Variants in GTF3C1 observed in about 807,000 individuals in gnomAD.
GTF3C1 encodes the protein general transcription factor 3C polypeptide 1.
A neutral mutation model predicts 226.7 loss-of-function variants in GTF3C1; 57 were observed. The observed-to-expected ratio is 0.25, with a 90% confidence interval of 0.20 to 0.31. GTF3C1 has a LOEUF of 0.31. Ranked by LOEUF, GTF3C1 falls within the 10% of genes least tolerant of loss-of-function variation. The pLI, the probability that GTF3C1 is intolerant of heterozygous loss-of-function variation, is 1.00. For synonymous variants in GTF3C1, 1,090 were observed against 1,084.8 expected (o/e 1.00, Z -0.09); for missense variants, 2,217 against 2,776.1 (o/e 0.80, Z 4.53).
At position 27,465,345 on chromosome 16, in the gene GTF3C1, A is replaced by G; in HGVS notation, c.5270T>C (p.Ile1757Thr). 1 of 1,614,066 alleles carries G rather than the reference A, an allele frequency of 6.2e-7. No individual in the cohort carries two copies. The highest frequency in any genetic ancestry group is 8.5e-7 in the Non-Finnish European group (1 of 1,179,988). The change falls in exon 33 of 37, where the codon ATT (isoleucine) becomes ACT (threonine). Residue 1757 changes from isoleucine (I) to threonine (T), a missense_variant. Physicochemically the swap from Ile to Thr is moderately conservative, Grantham distance 89 (BLOSUM62 -1). Around this residue, in one of 12 missense-constraint regions of GTF3C1, gnomAD observed 455 missense variants for 441.9 expected, o/e 1.03. Coordinates refer to ENST00000356183, the MANE Select transcript of GTF3C1 (RefSeq NM_001520.4). ...EAIIATGCFG[I>T]DKEELRRRFS... is the part of the protein sequence containing the mutation. ...CCGTCTGCGCAGCTCCTCCTTGTCA[A>G]TCCCAAAACAACCCGTGGCTATAAT...
Position 27,488,958 on chromosome 16 carries a change from T to A in GTF3C1, c.3429+85A>T. On this transcript the variant is annotated intron_variant, in intron 21 of 36. Transcript: ENST00000356183. ...CCTTCAATACAAACGGAAGCCAGTA[T>A]TTGTGTCTCTGGTCAGGCAGGGAGG... 3.1e-6 allele frequency: 4 copies of A among 1,270,250 alleles called. No homozygotes were observed. The South Asian group carries it at 4.9e-5, about 15-fold the overall frequency. 78.7% of individuals were successfully genotyped at this position (1,270,250 alleles called of 1,614,324 possible).
chr16:27,529,209 C>T (rs2088877902), intron 5 of GTF3C1, among the ~76,000 whole-genome samples: 2 of 152,034 alleles, frequency 1.3e-5, no homozygotes, highest in Admixed American at 6.6e-5. Context: ...TTTGGGAGGC[C>T]GAGGCGGGCA....
At chr16:27,499,845 C>A (rs568773988) in intron 12 of GTF3C1, among the ~76,000 whole-genome samples, 1 of 152,250 alleles carries the variant, frequency 6.6e-6, no homozygotes, top group South Asian at 2.1e-4. Flanking sequence ...CCCAGCAGAT[C>A]AAAGGCTGCC....
intron 4 of GTF3C1, among the ~76,000 whole-genome samples, chr16:27,533,670 C>T (rs912525181): frequency 6.6e-6 from 1 of 152,142 alleles, no homozygotes; most frequent in African/African-American, 2.4e-5. Flanking sequence ...TGTAAAACAC[C>T]TTTCATTTTT....
chr16:27,499,924 C>T (rs2088380407), intron 12 of GTF3C1, among the ~76,000 whole-genome samples: 1 of 152,208 alleles, frequency 6.6e-6, no homozygotes, highest in Admixed American at 6.5e-5. Flanking sequence ...GAGTCACATG[C>T]ACACGACGGA....
At chr16:27,473,762 G>A (rs528996391) in intron 29 of GTF3C1, among the ~76,000 whole-genome samples, 1 of 152,296 alleles carries the variant, frequency 6.6e-6, no homozygotes, top group East Asian at 1.9e-4. Context: ...CCTCTAGACA[G>A]CACCTGTGCG....
At chr16:27,468,779 C>T (rs2141346145) in intron 32 of GTF3C1, among the ~76,000 whole-genome samples, 1 of 152,260 alleles carries the variant, frequency 6.6e-6, no homozygotes, top group East Asian at 1.9e-4. Context: ...TTTCAAAGGT[C>T]ATCAACAGAA....
intron 5 of GTF3C1, among the ~76,000 whole-genome samples, chr16:27,532,002 T>C (rs375006557): frequency 1.5e-4 from 23 of 152,308 alleles, no homozygotes; most frequent in African/African-American, 3.6e-4. Context: ...CCCTGCCTCA[T>C]GTCGGAGAGG....
In GTF3C1 at chr16:27,463,227, G is replaced by A. The variant is rs1180608664; in HGVS notation, c.5924+314C>T. On this transcript the variant is annotated intron_variant, in intron 35 of 36. Coordinates refer to ENST00000356183, the MANE Select transcript of GTF3C1 (RefSeq NM_001520.4). This position sits in a 1 kb window ranked among gnomAD's most constrained non-coding sequence, Gnocchi z 4.9. The stretch of plus-strand genomic sequence containing the variant: ...GACCCCTGGCTCATCTGCAGGAGTG[G>A]GTGAGGTGCCTGTGGGCCATGAGGA... 1 of 411,000 alleles carries A rather than the reference G, an allele frequency of 2.4e-6. No individual in the cohort carries two copies. The highest frequency in any genetic ancestry group is 2.1e-5 in the African/African-American group (1 of 48,026). The allele number at this position is 411,000 out of a possible 1,614,324, so 25.5% of individuals were successfully genotyped here.
intron 1 of GTF3C1, 38 bp from the exon 2 acceptor site, chr16:27,545,561 C>T (rs902395727): frequency 8.4e-7 from 1 of 1,188,936 alleles, no homozygotes; most frequent in African/African-American, 1.5e-5. Context: ...CCCAACTCAG[C>T]TTCAGATATA....
intron 12 of GTF3C1, among the ~76,000 whole-genome samples, chr16:27,500,404 A>G (rs1054761659): frequency 2.0e-5 from 3 of 152,242 alleles, no homozygotes; most frequent in African/African-American, 7.2e-5. Flanking sequence ...TTGTTTCTTA[A>G]GTTTTTTGTA....
At chr16:27,525,822 G>C (rs1177657942) in intron 6 of GTF3C1, among the ~76,000 whole-genome samples, 2 of 152,144 alleles carry the variant, frequency 1.3e-5, no homozygotes, top group Non-Finnish European at 2.9e-5. Flanking sequence ...ACACCTTTTG[G>C]GTTTCCTTGG....
intron 4 of GTF3C1, among the ~76,000 whole-genome samples, chr16:27,537,136 G>A (rs1344759282): frequency 6.6e-6 from 1 of 152,184 alleles, no homozygotes; most frequent in African/African-American, 2.4e-5. Context: ...TTATGGTTGA[G>A]TGCTGCAAAA....
At chr16:27,482,901 A>C in intron 26 of GTF3C1, 143 bp downstream of exon 26, 1 of 675,812 alleles carries the variant, frequency 1.5e-6, no homozygotes, top group South Asian at 1.8e-5. Flanking sequence ...CAGAGAGCTG[A>C]CTCGGTGATT....
chr16:27,467,328 G>A (rs1377371122), intron 32 of GTF3C1, among the ~76,000 whole-genome samples: 1 of 152,174 alleles, frequency 6.6e-6, no homozygotes, highest in Non-Finnish European at 1.5e-5. Context: ...GAACAGCAAA[G>A]CTGGATGACA....
chr16:27,531,603 T>C (rs1237500608), intron 5 of GTF3C1, among the ~76,000 whole-genome samples: 1 of 152,258 alleles, frequency 6.6e-6, no homozygotes, highest in Non-Finnish European at 1.5e-5. Flanking sequence ...AACACAGTTC[T>C]AACTCAACAT....
rs565677302 is a variant in GTF3C1 at position 27,484,572 on chromosome 16, G to A, written c.3859-219C>T. Reference sequence around the variant, plus strand: ...ATAGGACGAGGCCTCAGTGACCAGCGGGAAAGAGTGTATTTTAGCAAGCGC... The same window carrying A: ...ATAGGACGAGGCCTCAGTGACCAGCAGGAAAGAGTGTATTTTAGCAAGCGC... On this transcript the variant is annotated intron_variant, in intron 24 of 36. Coordinates refer to ENST00000356183, the MANE Select transcript of GTF3C1 (RefSeq NM_001520.4). Among the ~76,000 whole-genome samples the A allele has an allele frequency of 4.6e-5, 7 of 152,344 alleles. No homozygotes were observed. The East Asian group carries it at 9.6e-4, about 21-fold the overall frequency.
rs768664248 is a variant in GTF3C1, at chr16:27,461,406, G to A, written c.6274C>T (p.Arg2092Trp). The change falls in exon 37 of 37, where the codon CGG becomes TGG. Residue 2092 changes from arginine to tryptophan, a missense_variant. Arg to Trp is a moderately radical substitution (Grantham distance 101, BLOSUM62 -3). Around this residue, in one of 12 missense-constraint regions of GTF3C1, gnomAD observed 153 missense variants for 199.8 expected, o/e 0.77. Transcript: ENST00000356183. The surrounding 1 kb of genome is among the most constrained non-coding windows in gnomAD (Gnocchi z 5.3). ...TCGTGGGGGAACACACGGCCCAGCC[G>A]GAGGGTACAGTCCAAGGTGGGCTCA... ...FYEPTLDCTL[R>W]LGRVFPHEVN... 9.3e-6 allele frequency: 15 copies of A among 1,613,850 alleles called. No individual in the cohort carries two copies. Among genetic ancestry groups the A allele is most frequent in the African/African-American group, 5.3e-5 (4 of 74,910 alleles).
chr16:27,485,943 G>C, intron 24 of GTF3C1, 54 bp downstream of exon 24: 1 of 1,305,126 alleles, frequency 7.7e-7, no homozygotes, highest in Non-Finnish European at 1.1e-6. Context: ...GGCTCAGACA[G>C]GAAGGAGCTC....
Sources: allele counts gnomAD v4.1 joint callset (sites outside exome capture counted in the v4.1 genomes callset), GRCh38; gene constraint gnomAD v4.1.1; regional missense constraint gnomAD v4.1.1; non-coding constraint Gnocchi (gnomAD v3.1); transcripts MANE v1.5; gene names NCBI Gene and HGNC (gene_info 2026-07-23, HGNC 2026-07-21).